ERICH6B: variants seen among roughly 807,000 people sequenced by gnomAD.
ERICH6B encodes the protein glutamate-rich protein 6B.
ERICH6B carries 69 observed loss-of-function variants against 80.0 expected under a neutral mutation model. The ratio of observed to expected loss-of-function variants is 0.86; its 90% CI spans 0.71 to 1.05. The LOEUF (loss-of-function observed/expected upper bound fraction) is 1.05. Among genes scored for constraint, ERICH6B ranks in the 50% least tolerant of loss-of-function variants. The pLI, the probability that ERICH6B is intolerant of heterozygous loss-of-function variation, is 0.00. For missense variants in ERICH6B, 754 were observed against 796.1 expected (o/e 0.95, Z 0.64); for synonymous variants, 283 against 291.9 (o/e 0.97, Z 0.31).
In ERICH6B at chr13:45,587,707, G is replaced by A. The variant is rs1315186568; in HGVS notation, c.687-475C>T. ...CACCATCAAAAAGGCTTTCCAAAGG[G>A]CCTGAGGGCGGGGCACTGGGTGTGA... On this transcript the variant is annotated intron_variant, in intron 4 of 14. Transcript: ENST00000298738. Among the ~76,000 whole-genome samples the A allele has an allele frequency of 2.0e-5, 3 of 152,206 alleles. No homozygotes were observed. In the East Asian group the frequency reaches 5.8e-4, roughly 29 times the overall value.
At chr13:45,589,603 T>C (rs1288560572) in intron 4 of ERICH6B, among the ~76,000 whole-genome samples, 1 of 152,170 alleles carries the variant, frequency 6.6e-6, no homozygotes, top group East Asian at 1.9e-4. Flanking sequence ...AGAGATTAAG[T>C]GGCTGCCCTG....
chr13:45,551,621 A>T (rs1009358276), intron 11 of ERICH6B: 1 of 152,218 alleles, frequency 6.6e-6, no homozygotes, highest in African/African-American at 2.4e-5. Context: ...ATATGTGTTT[A>T]AAGCTGTTAC....
At chr13:45,565,608 T>A (rs945544865) in intron 9 of ERICH6B, among the ~76,000 whole-genome samples, 1 of 152,226 alleles carries the variant, frequency 6.6e-6, no homozygotes, top group Non-Finnish European at 1.5e-5. Context: ...TCTCATGAGA[T>A]CTGAATGTTA....
chr13:45,547,622 A>G (rs1874044125), intron 13 of ERICH6B, among the ~76,000 whole-genome samples: 1 of 152,252 alleles, frequency 6.6e-6, no homozygotes, highest in Non-Finnish European at 1.5e-5. Flanking sequence ...CCGTGCAAGC[A>G]CTAGAATAAC....
At chr13:45,613,008 C>T (rs1365697759) in intron 1 of ERICH6B, among the ~76,000 whole-genome samples, 1 of 152,182 alleles carries the variant, frequency 6.6e-6, no homozygotes, top group East Asian at 1.9e-4. Flanking sequence ...CTCATTTGCA[C>T]ATACCACAGA....
intron 1 of ERICH6B, among the ~76,000 whole-genome samples, chr13:45,609,754 G>A (rs1566308989): frequency 6.6e-6 from 1 of 152,226 alleles, no homozygotes; most frequent in Admixed American, 6.5e-5. Context: ...CATTTTGACT[G>A]ACATTTTTAT....
intron 14 of ERICH6B, among the ~76,000 whole-genome samples, chr13:45,542,766 T>C (rs1407091662): frequency 6.6e-6 from 1 of 152,220 alleles, no homozygotes; most frequent in African/African-American, 2.4e-5. Flanking sequence ...GCAAGGATGC[T>C]GGGATGTCAT....
chr13:45,574,852 A>T lies in ERICH6B; in HGVS notation c.1040T>A (p.Leu347Ter). The change falls in exon 8 of 15, where the codon TTA becomes TAA. Residue 347 changes from leucine to a stop codon, truncating the protein, a stop_gained. Coordinates refer to ENST00000298738, the MANE Select transcript of ERICH6B (RefSeq NM_182542.3). LOFTEE classifies it high-confidence loss of function. Reference protein sequence around the residue: ...ESIDKLEVEDLDENFLNSSYQ... With the variant: ...ESIDKLEVED ...TTTTATCCAACTTACGTTTTCATCT[A>T]AATCTTCCACTTCCAGCTTGTCAAT... 6.4e-7 allele frequency: 1 copy of T among 1,550,932 alleles called. No individual in the cohort carries two copies. The highest frequency in any genetic ancestry group is 2.0e-5 in the Admixed American group (1 of 50,966).
chr13:45,587,886 C>T (rs1334857781), intron 4 of ERICH6B, among the ~76,000 whole-genome samples: 1 of 152,136 alleles, frequency 6.6e-6, no homozygotes, highest in Non-Finnish European at 1.5e-5. Flanking sequence ...TGTCTTGGCC[C>T]TGGAGTTATT....
chr13:45,576,705 AT>A lies in ERICH6B; in HGVS notation c.962-1776del, dbSNP rs201768814. Among the ~76,000 whole-genome samples, 698 of 151,636 alleles carry A rather than the reference AT, an allele frequency of 4.6e-3. 3 individuals carry two copies. Among genetic ancestry groups the A allele is most frequent in the African/African-American group, 0.016 (672 of 40,990 alleles). On this transcript the variant is annotated intron_variant, in intron 7 of 14. Coordinates refer to ENST00000298738, the MANE Select transcript of ERICH6B (RefSeq NM_182542.3). ...ACTTCCCATCATTTGCGATTGCCAT[AT>A]TTTAGTAGTTTTTTTTTTGAATAAT...
intron 3 of ERICH6B, among the ~76,000 whole-genome samples, chr13:45,591,776 G>A (rs1012219281): frequency 6.6e-6 from 1 of 152,102 alleles, no homozygotes; most frequent in Non-Finnish European, 1.5e-5. Flanking sequence ...GCAAACAATG[G>A]CGGCAGAGAG....
At chr13:45,566,055 C>T (rs1874898103) in intron 9 of ERICH6B, among the ~76,000 whole-genome samples, 1 of 152,120 alleles carries the variant, frequency 6.6e-6, no homozygotes, top group Non-Finnish European at 1.5e-5. Context: ...CAAAGGTGAG[C>T]CTTTTATGTT....
intron 2 of ERICH6B, 34 bp from the exon 3 acceptor site, chr13:45,597,097 C>T: frequency 7.4e-7 from 1 of 1,351,080 alleles, no homozygotes; most frequent in South Asian, 1.6e-5. Context: ...TCCTATTAGC[C>T]AGTAATAGCA....
intron 7 of ERICH6B, among the ~76,000 whole-genome samples, chr13:45,576,040 G>C (rs552789565): frequency 6.6e-6 from 1 of 152,204 alleles, no homozygotes; most frequent in African/African-American, 2.4e-5. Context: ...GTTTGATTTT[G>C]TGTCCTTCTT....
chr13:45,606,922 C>G (rs2138037253), intron 2 of ERICH6B, among the ~76,000 whole-genome samples: 1 of 152,126 alleles, frequency 6.6e-6, no homozygotes, highest in South Asian at 2.1e-4. Context: ...AATAGATTGA[C>G]CTAGAAGATC....
chr13:45,581,063 G>A (rs901209856), intron 5 of ERICH6B, among the ~76,000 whole-genome samples: 4 of 152,228 alleles, frequency 2.6e-5, no homozygotes, highest in South Asian at 2.1e-4. Flanking sequence ...CACACAATGC[G>A]GTGTGCCTGT....
rs201364481 is a variant in ERICH6B, at chr13:45,549,383, T to C, written c.1646+510A>G. 4.0e-5 allele frequency among the ~76,000 whole-genome samples: 6 copies of C among 151,748 alleles called. No individual in the cohort carries two copies. In the East Asian group the frequency reaches 7.7e-4, roughly 19 times the overall value. On this transcript the variant is annotated intron_variant, in intron 13 of 14. Coordinates refer to ENST00000298738, the MANE Select transcript of ERICH6B (RefSeq NM_182542.3). ...AAGAGAGTCCTTTACCTCAAAGAGA[T>C]GGAGAAACATTTTGAAGTGACTGAG...
chr13:45,605,407 T>C (rs1458316375), intron 2 of ERICH6B, among the ~76,000 whole-genome samples: 1 of 152,268 alleles, frequency 6.6e-6, no homozygotes, highest in Non-Finnish European at 1.5e-5. Flanking sequence ...TAGCTGTTTG[T>C]ATAATGCTTT....
intron 9 of ERICH6B, among the ~76,000 whole-genome samples, chr13:45,565,090 TG>T (rs1874857640): frequency 6.6e-6 from 1 of 152,078 alleles, no homozygotes; most frequent in South Asian, 2.1e-4. Context: ...AGGGAGAAAA[TG>T]GCACAGAGGC....
Sources: allele counts gnomAD v4.1 joint callset (sites outside exome capture counted in the v4.1 genomes callset), GRCh38; gene constraint gnomAD v4.1.1; transcripts MANE v1.5; gene names NCBI Gene and HGNC (gene_info 2026-07-23, HGNC 2026-07-21).